The following MALRD1 variants were observed in gnomAD, a reference collection of about 807,000 sequenced individuals.
MALRD1 encodes the protein MAM and LDL receptor class A domain containing 1.
A neutral mutation model predicts 242.1 loss-of-function variants in MALRD1; 247 were observed. That is an observed-to-expected ratio of 1.02 (90% confidence interval 0.92 to 1.13). The LOEUF is 1.13. MALRD1 is among the 50% of genes most tolerant of loss of function. MALRD1 has a pLI of 0.00. For synonymous variants in MALRD1, 995 were observed against 866.6 expected, an observed-to-expected ratio of 1.15 and a Z score of -2.60; for missense variants, 2,989 against 2,533.1, an observed-to-expected ratio of 1.18 and a Z score of -3.86.
rs1846149991 is a variant in MALRD1 at position 19,387,787 on chromosome 10, T to C, written c.4687+14T>C. 1 of 1,538,194 alleles carries C rather than the reference T, an allele frequency of 6.5e-7. No individual in the cohort carries two copies. The highest frequency in any genetic ancestry group is 8.8e-7 in the Non-Finnish European group (1 of 1,141,482). On this transcript the variant is annotated intron_variant, in intron 27 of 39. Coordinates refer to ENST00000454679, the MANE Select transcript of MALRD1 (RefSeq NM_001142308.3). ...GAAATGAAAATGGTAGGTTATTAGA[T>C]TGTTGTAATTGCTTTCACATGATTT... is the stretch of plus-strand genomic sequence containing the variant.
At chr10:19,443,739 A>C (rs1345688931) in intron 28 of MALRD1, among the ~76,000 whole-genome samples, 1 of 152,180 alleles carries the variant, frequency 6.6e-6, no homozygotes, top group Non-Finnish European at 1.5e-5. Flanking sequence ...CTTTACTTCC[A>C]ACTATGTGGT....
chr10:19,365,589 G>C (rs542191092), intron 26 of MALRD1, among the ~76,000 whole-genome samples: 9 of 144,864 alleles, frequency 6.2e-5, no homozygotes, highest in African/African-American at 2.3e-4. Flanking sequence ...ATTAGAATGG[G>C]TTTCTTATTC....
intron 26 of MALRD1, among the ~76,000 whole-genome samples, chr10:19,358,112 T>C (rs1359069254): frequency 6.6e-6 from 1 of 152,030 alleles, no homozygotes; most frequent in African/African-American, 2.4e-5. Context: ...AATGTCCATA[T>C]GCAAATTCAA....
chr10:19,122,061 G>T (rs951160566), intron 5 of MALRD1, among the ~76,000 whole-genome samples: 7 of 152,220 alleles, frequency 4.6e-5, no homozygotes, highest in African/African-American at 1.4e-4. Flanking sequence ...ACAGGCTAGA[G>T]TAAGTGAAGG....
At chr10:19,315,543 TA>T (rs1167473544) in intron 21 of MALRD1, among the ~76,000 whole-genome samples, 4 of 119,782 alleles carry the variant, frequency 3.3e-5, no homozygotes, top group South Asian at 2.4e-4. Context: ...TATAAATATA[TA>T]AAAATATAAA....
At chr10:19,617,251 C>T (rs145449144) in intron 36 of MALRD1, among the ~76,000 whole-genome samples, 3 of 151,924 alleles carry the variant, frequency 2.0e-5, no homozygotes, top group Non-Finnish European at 2.9e-5. Context: ...AAGTCTTAAA[C>T]TTCTCTCAAA....
intron 33 of MALRD1, among the ~76,000 whole-genome samples, chr10:19,574,548 A>G (rs1836711934): frequency 6.6e-6 from 1 of 152,222 alleles, no homozygotes; most frequent in Non-Finnish European, 1.5e-5. Context: ...TGAATAGTCT[A>G]GCAGGCTCTG....
chr10:19,512,796 G>C (rs909543693), intron 31 of MALRD1, among the ~76,000 whole-genome samples: 1 of 152,074 alleles, frequency 6.6e-6, no homozygotes, highest in Admixed American at 6.6e-5. Flanking sequence ...AACCATTTTA[G>C]CAATTTTAGA....
chr10:19,669,640 C>G (rs1222713114), intron 36 of MALRD1, among the ~76,000 whole-genome samples: 1 of 151,904 alleles, frequency 6.6e-6, no homozygotes, highest in East Asian at 1.9e-4. Context: ...AGCCATAAAG[C>G]CTAGAGAACT....
In MALRD1 at chr10:19,203,712, C is replaced by T; in HGVS notation, c.1952-16C>T. The T allele has an allele frequency of 6.6e-6, 10 of 1,513,982 alleles. No individual in the cohort carries two copies. Among genetic ancestry groups the T allele is most frequent in the Admixed American group, 2.1e-5 (1 of 47,132 alleles). 93.8% of individuals were successfully genotyped at this position (1,513,982 alleles called of 1,614,324 possible). On this transcript the variant is annotated splice_polypyrimidine_tract_variant and intron_variant, in intron 14 of 39. Transcript: ENST00000454679. ...GTTTGGAGAGCCAACATAAGAGCCA[C>T]ATTTTTGTTCTTCAGTTTCCAAGTG...
At chr10:19,387,499 C>A in intron 26 of MALRD1, 29 bp from the exon 27 acceptor site, 9 of 1,543,270 alleles carry the variant, frequency 5.8e-6, no homozygotes, top group South Asian at 1.2e-5. Flanking sequence ...AGTGTTCGCT[C>A]ATTCTTGTTT....
chr10:19,469,056 C>T lies in MALRD1; in HGVS notation c.5029+18566C>T, dbSNP rs183662704. ...CATAAAATACTATTTCTGCCTGGGC[C>T]CCACAGCAGACCAATTAAATCATTC... On this transcript the variant is annotated intron_variant, in intron 29 of 39. Coordinates refer to ENST00000454679, the MANE Select transcript of MALRD1 (RefSeq NM_001142308.3). Among the ~76,000 whole-genome samples the T allele has an allele frequency of 1.7e-3, 262 of 152,076 alleles. 2 individuals carry two copies. The highest frequency in any genetic ancestry group is 6.2e-3 in the African/African-American group (259 of 41,504).
chr10:19,334,672 A>T (rs1564571478), intron 24 of MALRD1, among the ~76,000 whole-genome samples: 1 of 151,964 alleles, frequency 6.6e-6, no homozygotes, highest in African/African-American at 2.4e-5. Flanking sequence ...TATGTGAAAA[A>T]GGGAAAATAC....
intron 38 of MALRD1, among the ~76,000 whole-genome samples, chr10:19,728,799 A>G (rs907403688): frequency 6.6e-6 from 1 of 152,104 alleles, no homozygotes; most frequent in Non-Finnish European, 1.5e-5. Flanking sequence ...ACCCAATCTC[A>G]ACTCCAAGAT....
chr10:19,658,883 A>G (rs1841292504), intron 36 of MALRD1, among the ~76,000 whole-genome samples: 1 of 152,168 alleles, frequency 6.6e-6, no homozygotes, highest in South Asian at 2.1e-4. Flanking sequence ...ATTTTCCTAG[A>G]AGAATGCCAT....
At chr10:19,453,144 T>C (rs1462254880) in intron 29 of MALRD1, among the ~76,000 whole-genome samples, 1 of 152,174 alleles carries the variant, frequency 6.6e-6, no homozygotes, top group African/African-American at 2.4e-5. Context: ...GAAACCAACT[T>C]CAGATCATAA....
At chr10:19,384,280 TATATA>T (rs1009022548) in intron 26 of MALRD1, among the ~76,000 whole-genome samples, 5 of 136,936 alleles carry the variant, frequency 3.7e-5, no homozygotes, top group Admixed American at 8.5e-5. Flanking sequence ...ACATATCTTA[TATATA>T]ATATATGTAT....
At position 19,159,669 on chromosome 10, in the gene MALRD1, T is replaced by C. The variant is rs932871442; in HGVS notation, c.1656+4497T>C. Among the ~76,000 whole-genome samples, 10 of 150,606 alleles carry C rather than the reference T, an allele frequency of 6.6e-5. No homozygotes were observed. In the East Asian group the frequency reaches 7.8e-4, roughly 12 times the overall value. On this transcript the variant is annotated intron_variant, in intron 12 of 39. Transcript: ENST00000454679. Reference sequence around the variant, plus strand: ...AAAAGAAAGAAAGAAAACAGAAAAATAAGGAAGAATTCATTTTGAACTTCT... The same window carrying C: ...AAAAGAAAGAAAGAAAACAGAAAAACAAGGAAGAATTCATTTTGAACTTCT...
chr10:19,467,407 A>G (rs1461403686), intron 29 of MALRD1, among the ~76,000 whole-genome samples: 5 of 150,246 alleles, frequency 3.3e-5, no homozygotes, highest in Non-Finnish European at 7.4e-5. Context: ...AAAAAAAAAA[A>G]AAAAAGAAAA....
Sources: allele counts gnomAD v4.1 joint callset (sites outside exome capture counted in the v4.1 genomes callset), GRCh38; gene constraint gnomAD v4.1.1; transcripts MANE v1.5; gene names NCBI Gene and HGNC (gene_info 2026-07-23, HGNC 2026-07-21).